Variants in IL1RAPL2 observed in about 807,000 individuals in gnomAD.
IL1RAPL2 encodes the protein X-linked interleukin-1 receptor accessory protein-like 2.
In IL1RAPL2, 3 loss-of-function variants were observed where a neutral mutation model predicts 44.1. The ratio of observed to expected loss-of-function variants is 0.07; its 90% CI spans 0.03 to 0.18. The LOEUF (loss-of-function observed/expected upper bound fraction) is 0.18, where lower values mean the gene tolerates loss of function less well. Among genes scored for constraint, IL1RAPL2 ranks in the 10% least tolerant of loss-of-function variants. IL1RAPL2 has a pLI of 1.00. For synonymous variants in IL1RAPL2, 181 were observed against 178.8 expected, an observed-to-expected ratio of 1.01 and a Z score of -0.10; for missense variants, 391 against 496.4, an observed-to-expected ratio of 0.79 and a Z score of 2.02.
intron 2 of IL1RAPL2, among the ~76,000 whole-genome samples, chrX:105,054,736 A>G (rs1194977802): frequency 1.8e-5 from 2 of 112,476 alleles, no homozygotes; most frequent in East Asian, 5.6e-4. Context: ...CTATTACCAC[A>G]CAGAATTTTC....
chrX:104,961,783 C>T (rs1281540982), intron 2 of IL1RAPL2, among the ~76,000 whole-genome samples: 1 of 111,937 alleles, frequency 8.9e-6, no homozygotes, highest in Non-Finnish European at 1.9e-5. Context: ...ACTTTATTTT[C>T]AGTTCTTAGC....
chrX:105,707,497 GA>G (rs1164522656), intron 6 of IL1RAPL2, among the ~76,000 whole-genome samples: 1 of 112,087 alleles, frequency 8.9e-6, no homozygotes, highest in Non-Finnish European at 1.9e-5. Flanking sequence ...TGAAATATAA[GA>G]TATGGTTTCC....
chrX:104,732,309 A>T (rs569641243), intron 2 of IL1RAPL2, among the ~76,000 whole-genome samples: 78 of 111,729 alleles, frequency 7.0e-4, no homozygotes, highest in African/African-American at 2.5e-3. Flanking sequence ...CAAAGAAATG[A>T]TAGAGAATCA....
chrX:105,351,785 T>TA (rs988032618), intron 5 of IL1RAPL2, among the ~76,000 whole-genome samples: 3 of 111,029 alleles, frequency 2.7e-5, no homozygotes, highest in East Asian at 2.8e-4. Flanking sequence ...ATAATAATAA[T>TA]AAAAAAAATC....
chrX:105,473,009 C>A (rs935297886), intron 5 of IL1RAPL2, among the ~76,000 whole-genome samples: 1 of 111,673 alleles, frequency 9.0e-6, no homozygotes, highest in Non-Finnish European at 1.9e-5. Flanking sequence ...AGTGACCTAA[C>A]CCCTTTGGCC....
chrX:105,045,051 T>C (rs2031818913), intron 2 of IL1RAPL2, among the ~76,000 whole-genome samples: 1 of 111,211 alleles, frequency 9.0e-6, no homozygotes, highest in African/African-American at 3.3e-5. Context: ...ACAACTTGAA[T>C]GTGTAGTTAG....
intron 2 of IL1RAPL2, among the ~76,000 whole-genome samples, chrX:104,869,565 T>C (rs1264626466): frequency 5.4e-5 from 6 of 112,076 alleles, no homozygotes; most frequent in Non-Finnish European, 9.4e-5. Flanking sequence ...TTCTTTTTTT[T>C]CATTATTATA....
chrX:104,875,958 T>C (rs1414071788), intron 2 of IL1RAPL2, among the ~76,000 whole-genome samples: 2 of 110,920 alleles, frequency 1.8e-5, no homozygotes, highest in Non-Finnish European at 3.8e-5. Context: ...CCTGTAACAG[T>C]ACATAACAGT....
intron 1 of IL1RAPL2, among the ~76,000 whole-genome samples, chrX:104,649,165 T>A (rs934886615): frequency 2.7e-5 from 3 of 111,497 alleles, no homozygotes; most frequent in African/African-American, 9.8e-5. Context: ...TCTGTTTTCT[T>A]ACTTGTGTGC....
intron 2 of IL1RAPL2, among the ~76,000 whole-genome samples, chrX:104,821,944 G>C (rs899628143): frequency 8.9e-6 from 1 of 111,965 alleles, no homozygotes. Flanking sequence ...ATTCTATCTC[G>C]CGTGAGATGG....
intron 2 of IL1RAPL2, among the ~76,000 whole-genome samples, chrX:104,887,635 C>A (rs1270265782): frequency 8.9e-6 from 1 of 111,934 alleles, no homozygotes; most frequent in Non-Finnish European, 1.9e-5. Context: ...GGGACCAGTG[C>A]TTCAAATACA....
chrX:105,204,806 G>C (rs2147616852), intron 3 of IL1RAPL2, among the ~76,000 whole-genome samples: 1 of 111,794 alleles, frequency 8.9e-6, no homozygotes, highest in Non-Finnish European at 1.9e-5. Context: ...GGGACTCACA[G>C]TTTGCAAACT....
chrX:105,126,454 C>T lies in IL1RAPL2; in HGVS notation c.83-69021C>T, dbSNP rs745633923. On this transcript the variant is annotated intron_variant, in intron 2 of 10. Coordinates refer to ENST00000372582, the MANE Select transcript of IL1RAPL2 (RefSeq NM_017416.2). ...GTGGATATGAAATCATGCTAGCAAA[C>T]ATCCCTGCATAATTGACACTGGCTA... is the stretch of plus-strand genomic sequence containing the variant. 5.4e-5 allele frequency among the ~76,000 whole-genome samples: 6 copies of T among 111,056 alleles called. No individual in the cohort carries two copies. In the South Asian group the frequency reaches 2.2e-3, roughly 41 times the overall value.
intron 2 of IL1RAPL2, among the ~76,000 whole-genome samples, chrX:105,125,097 C>T (rs1486672064): frequency 9.1e-6 from 1 of 110,351 alleles, no homozygotes; most frequent in Non-Finnish European, 1.9e-5. Flanking sequence ...TTTCTTTAAG[C>T]TGCTTGTTGT....
At chrX:105,423,920 A>T (rs1257215920) in intron 5 of IL1RAPL2, among the ~76,000 whole-genome samples, 1 of 110,672 alleles carries the variant, frequency 9.0e-6, no homozygotes, top group Non-Finnish European at 1.9e-5. Context: ...TCTTGACCAA[A>T]TTTGGGGAGA....
intron 7 of IL1RAPL2, among the ~76,000 whole-genome samples, chrX:105,729,981 G>GTAAT (rs1180612948): frequency 3.1e-4 from 34 of 109,296 alleles, no homozygotes; most frequent in Non-Finnish European, 5.4e-4. Context: ...CAACCAGAAA[G>GTAAT]TAATTACAAG....
chrX:104,614,312 G>A (rs1260296183), intron 1 of IL1RAPL2, among the ~76,000 whole-genome samples: 1 of 111,494 alleles, frequency 9.0e-6, no homozygotes, highest in African/African-American at 3.3e-5. Context: ...AACTTTTTGA[G>A]GTAGGTGTCT....
chrX:105,131,917 C>A (rs144782266), intron 2 of IL1RAPL2, among the ~76,000 whole-genome samples: 3,640 of 111,206 alleles, frequency 0.033, 134 homozygotes, highest in African/African-American at 0.11. Flanking sequence ...GTCTTTTTGA[C>A]TAAAAGGGCA....
chrX:105,448,180 C>A (rs1366298868), intron 5 of IL1RAPL2, among the ~76,000 whole-genome samples: 1 of 107,535 alleles, frequency 9.3e-6, no homozygotes, highest in South Asian at 3.9e-4. Context: ...TTATCCTTTA[C>A]TTTTGGGAGT....
Sources: gnomAD v4.1 joint callset for allele counts (sites outside exome capture counted in the v4.1 genomes callset) on GRCh38, gnomAD v4.1.1 for gene constraint, MANE v1.5 for transcripts, NCBI Gene and HGNC (gene_info 2026-07-23, HGNC 2026-07-21) for gene names.